Variants in DST observed in about 807,000 individuals in gnomAD.
DST encodes bullous pemphigoid antigen.
Under a neutral mutation model 875.2 loss-of-function variants are expected in DST, and 253 were observed. The observed-to-expected ratio is 0.29, with a 90% confidence interval of 0.26 to 0.32. The LOEUF is 0.32. DST is among the 10% of genes least tolerant of loss of function. The pLI, the probability that DST is intolerant of heterozygous loss-of-function variation, is 1.00. For missense variants in DST, 8,287 were observed against 9,111.6 expected, an observed-to-expected ratio of 0.91 and a Z score of 3.68; for synonymous variants, 3,124 against 3,197.1, an observed-to-expected ratio of 0.98 and a Z score of 0.77.
At chr6:56,818,623 A>G (rs562186719) in intron 4 of DST, among the ~76,000 whole-genome samples, 87 of 152,308 alleles carry the variant, frequency 5.7e-4, no homozygotes, top group African/African-American at 2.0e-3. Context: ...TTTAGTAAGT[A>G]TAAGACACAC....
chr6:56,618,424 C>T, intron 36 of DST: 1 of 1,614,112 alleles, frequency 6.2e-7, no homozygotes, highest in East Asian at 2.2e-5. Context: ...TGGCTGTGCT[C>T]TTTTTTTGAA....
Position 56,940,191 on chromosome 6 carries a change from T to TACACACACAC in DST, c.216+13584_216+13593dup, listed in dbSNP as rs59001581. ...TAAAATAAATTCCACATTACCCCCA[T>TACACACACAC]ACACACACACACACACACACACACA... is the stretch of plus-strand genomic sequence containing the variant. On this transcript the variant is annotated intron_variant, in intron 2 of 103. Transcript: ENST00000680361. Among the ~76,000 whole-genome samples, 3 of 142,212 alleles carry TACACACACAC rather than the reference T, an allele frequency of 2.1e-5. No homozygotes were observed. The Admixed American group carries it at 2.1e-4, about 10-fold the overall frequency. The allele number at this position is 142,212 out of a possible 152,430, so 93.3% of individuals were successfully genotyped here. A position where few individuals can be genotyped will look rare whatever the true frequency, so the allele number is the denominator to read the frequency against.
At chr6:56,533,160 A>C (rs2096927002) in intron 63 of DST, among the ~76,000 whole-genome samples, 1 of 152,240 alleles carries the variant, frequency 6.6e-6, no homozygotes, top group African/African-American at 2.4e-5. Flanking sequence ...TGGCTAAATA[A>C]GACTAATATT....
At chr6:56,581,033 C>T (rs1422431758) in intron 49 of DST, among the ~76,000 whole-genome samples, 2 of 134,452 alleles carry the variant, frequency 1.5e-5, no homozygotes, top group East Asian at 2.1e-4. Flanking sequence ...AGGCTCCCAG[C>T]CAATTAGTGG....
intron 92 of DST, 51 bp from the exon 93 acceptor site, chr6:56,474,053 G>A (rs374928664): frequency 5.6e-5 from 84 of 1,499,324 alleles, no homozygotes; most frequent in South Asian, 3.1e-4. Context: ...ACAGAAAACC[G>A]TCTTTAGAAA....
chr6:56,649,453 T>C (rs2098962016), intron 12 of DST, among the ~76,000 whole-genome samples: 1 of 152,176 alleles, frequency 6.6e-6, no homozygotes, highest in Admixed American at 6.5e-5. Context: ...CTAAAACGGG[T>C]AGTACATGCT....
intron 36 of DST, chr6:56,616,442 A>G (rs769174849): frequency 1.9e-6 from 3 of 1,614,010 alleles, no homozygotes; most frequent in African/African-American, 1.3e-5. Flanking sequence ...TTTAGTATCT[A>G]CTACAGAAAT....
chr6:56,586,470 T>C (rs1345581244), intron 49 of DST, among the ~76,000 whole-genome samples: 5 of 151,774 alleles, frequency 3.3e-5, no homozygotes, highest in Non-Finnish European at 7.4e-5. Context: ...TCCATCCTTT[T>C]ATTTTGAGCC....
intron 69 of DST, among the ~76,000 whole-genome samples, chr6:56,524,148 C>G (rs2096754511): frequency 6.6e-6 from 1 of 152,022 alleles, no homozygotes; most frequent in East Asian, 1.9e-4. Flanking sequence ...AGTAGGCAAC[C>G]TTATAAAATA....
intron 77 of DST, among the ~76,000 whole-genome samples, chr6:56,504,641 T>C (rs1471226524): frequency 6.6e-6 from 1 of 152,184 alleles, no homozygotes; most frequent in Non-Finnish European, 1.5e-5. Flanking sequence ...ATTTCTTATT[T>C]ATTTAGGTAA....
intron 5 of DST, among the ~76,000 whole-genome samples, chr6:56,728,261 G>T (rs1490302789): frequency 6.6e-6 from 1 of 152,114 alleles, no homozygotes; most frequent in Non-Finnish European, 1.5e-5. Flanking sequence ...CAAAAAGTTT[G>T]TCTTCTTGTC....
At chr6:56,939,025 T>C (rs1014976423) in intron 2 of DST, among the ~76,000 whole-genome samples, 2 of 152,260 alleles carry the variant, frequency 1.3e-5, no homozygotes, top group Non-Finnish European at 2.9e-5. Context: ...AAGCAGCTAA[T>C]TGATACACTA....
intron 9 of DST, among the ~76,000 whole-genome samples, chr6:56,697,690 C>T (rs1563739040): frequency 1.3e-5 from 2 of 152,188 alleles, no homozygotes; most frequent in South Asian, 2.1e-4. Flanking sequence ...AGTGATCCTT[C>T]GTCTAACATT....
At chr6:56,804,227 A>C (rs1190363518) in intron 4 of DST, among the ~76,000 whole-genome samples, 1 of 152,192 alleles carries the variant, frequency 6.6e-6, no homozygotes, top group African/African-American at 2.4e-5. Context: ...GTAATCAGAG[A>C]GATCATCTGT....
chr6:56,719,406 G>T (rs1242369214), intron 5 of DST, among the ~76,000 whole-genome samples: 1 of 152,132 alleles, frequency 6.6e-6, no homozygotes, highest in African/African-American at 2.4e-5. Context: ...ACATTAAGAG[G>T]GCAAAAAGCA....
chr6:56,575,777 A>T (rs536124489), intron 50 of DST, among the ~76,000 whole-genome samples: 1 of 152,218 alleles, frequency 6.6e-6, no homozygotes, highest in South Asian at 2.1e-4. Context: ...TTTTGTTCTG[A>T]TATTTGGTCG....
intron 98 of DST, among the ~76,000 whole-genome samples, chr6:56,468,294 T>C (rs2094693195): frequency 6.6e-6 from 1 of 151,790 alleles, no homozygotes; most frequent in South Asian, 2.1e-4. Flanking sequence ...AACATAAACA[T>C]TTTATATTGA....
intron 2 of DST, among the ~76,000 whole-genome samples, chr6:56,925,790 A>T (rs895582375): frequency 6.6e-6 from 1 of 152,196 alleles, no homozygotes; most frequent in African/African-American, 2.4e-5. Flanking sequence ...CTTTCAGGTC[A>T]TCTTATCTCC....
At chr6:56,478,936 A>G (rs780455385) in intron 90 of DST, among the ~76,000 whole-genome samples, 3 of 152,248 alleles carry the variant, frequency 2.0e-5, no homozygotes, top group Non-Finnish European at 2.9e-5. Flanking sequence ...AATTAAATAA[A>G]AAAGCTTCTG....
Sources: gnomAD v4.1 joint callset for allele counts (sites outside exome capture counted in the v4.1 genomes callset) on GRCh38, gnomAD v4.1.1 for gene constraint, MANE v1.5 for transcripts, NCBI Gene and HGNC (gene_info 2026-07-23, HGNC 2026-07-21) for gene names.